The following YAF2 variants were observed in gnomAD, a reference collection of about 807,000 sequenced individuals.
The protein encoded by YAF2 is YY1 associated factor 2.
YAF2 carries 7 observed loss-of-function variants against 20.1 expected under a neutral mutation model. The ratio of observed to expected loss-of-function variants is 0.35; its 90% confidence interval spans 0.20 to 0.65. The LOEUF (loss-of-function observed/expected upper bound fraction) is 0.65, where lower values mean the gene tolerates loss of function less well. Among genes scored for constraint, YAF2 ranks in the 30% least tolerant of loss-of-function variants. YAF2 has a pLI of 0.69. For missense variants in YAF2, 151 were observed against 219.2 expected, an observed-to-expected ratio of 0.69 and a Z score of 1.96; for synonymous variants, 74 against 76.0, an observed-to-expected ratio of 0.97 and a Z score of 0.14.
intron 2 of YAF2, chr12:42,210,757 C>T (rs1014088958): frequency 1.5e-6 from 2 of 1,331,460 alleles, no homozygotes; most frequent in Non-Finnish European, 2.0e-6. Context: ...AGCATAAATT[C>T]ACTAGATAAC....
At chr12:42,228,436 GC>G (rs2067845007) in intron 2 of YAF2, among the ~76,000 whole-genome samples, 1 of 52,378 alleles carries the variant, frequency 1.9e-5, no homozygotes, top group Non-Finnish European at 3.3e-5. Flanking sequence ...GGGGGGGTCA[GC>G]CCCCCGCCTG....
intron 2 of YAF2, among the ~76,000 whole-genome samples, chr12:42,216,769 C>A (rs1049296622): frequency 3.3e-5 from 5 of 152,172 alleles, no homozygotes; most frequent in Non-Finnish European, 5.9e-5. Flanking sequence ...TCCCCAGGCA[C>A]CCCAAATTCA....
intron 2 of YAF2, among the ~76,000 whole-genome samples, chr12:42,185,515 A>G (rs902752805): frequency 6.6e-6 from 1 of 152,232 alleles, no homozygotes; most frequent in African/African-American, 2.4e-5. Context: ...ATCTTTCATG[A>G]AAGGAAGAGT....
intron 2 of YAF2, among the ~76,000 whole-genome samples, chr12:42,206,294 A>G (rs1248577733): frequency 3.1e-4 from 29 of 94,192 alleles, no homozygotes; most frequent in African/African-American, 1.4e-3. Flanking sequence ...ATATGCTCTT[A>G]GTTAAAAAAA....
chr12:42,216,957 C>T (rs2067374203), intron 2 of YAF2, among the ~76,000 whole-genome samples: 1 of 152,194 alleles, frequency 6.6e-6, no homozygotes, highest in Admixed American at 6.5e-5. Flanking sequence ...AATCAACCAT[C>T]AAGTTCCACA....
intron 2 of YAF2, among the ~76,000 whole-genome samples, chr12:42,225,243 TG>T: frequency 6.6e-6 from 1 of 152,364 alleles, no homozygotes; most frequent in East Asian, 1.9e-4. Context: ...TTAAGTTCTT[TG>T]TATATTCTGG....
chr12:42,166,613 A>AG (rs973349691), intron 2 of YAF2, among the ~76,000 whole-genome samples: 2 of 152,184 alleles, frequency 1.3e-5, no homozygotes, highest in African/African-American at 4.8e-5. Flanking sequence ...ACTGAGTTTG[A>AG]GAAAAATGAA....
intron 2 of YAF2, among the ~76,000 whole-genome samples, chr12:42,187,664 G>A (rs2137080901): frequency 6.6e-6 from 1 of 152,240 alleles, no homozygotes; most frequent in African/African-American, 2.4e-5. Flanking sequence ...ATTCTGAGGA[G>A]TAAAATATAT....
At chr12:42,229,495 A>G (rs568403559) in intron 2 of YAF2, among the ~76,000 whole-genome samples, 20 of 152,364 alleles carry the variant, frequency 1.3e-4, no homozygotes, top group African/African-American at 4.6e-4. Flanking sequence ...ACCAAAGTGA[A>G]TAAGACGGTC....
At chr12:42,167,386 G>A (rs546753366) in intron 2 of YAF2, among the ~76,000 whole-genome samples, 49 of 152,186 alleles carry the variant, frequency 3.2e-4, no homozygotes, top group African/African-American at 9.9e-4. Flanking sequence ...CTAAGATCCC[G>A]TTATATATGA....
At chr12:42,169,036 C>T (rs2065979532) in intron 2 of YAF2, among the ~76,000 whole-genome samples, 1 of 152,106 alleles carries the variant, frequency 6.6e-6, no homozygotes, top group African/African-American at 2.4e-5. Context: ...CCCTTGTTTA[C>T]TTGCTCTTCC....
intron 2 of YAF2, among the ~76,000 whole-genome samples, chr12:42,173,212 C>A (rs1012279137): frequency 4.6e-5 from 7 of 152,166 alleles, no homozygotes; most frequent in Non-Finnish European, 8.8e-5. Flanking sequence ...CTTTCTCAGC[C>A]TCTTGAGCAG....
At chr12:42,174,015 T>A (rs1647358785) in intron 2 of YAF2, among the ~76,000 whole-genome samples, 1 of 152,090 alleles carries the variant, frequency 6.6e-6, no homozygotes, top group South Asian at 2.1e-4. Flanking sequence ...TGACCTCCTT[T>A]GTTTCCTGCT....
chr12:42,235,805 T>G (rs2068133118), intron 2 of YAF2: 1 of 1,535,922 alleles, frequency 6.5e-7, no homozygotes, highest in Non-Finnish European at 8.7e-7. Context: ...CTCAAGCCTC[T>G]TTTAAACTAG....
At position 42,205,672 on chromosome 12, in the gene YAF2, C is replaced by A. The variant is rs114848296; in HGVS notation, c.152+31927G>T. Among the ~76,000 whole-genome samples, 293 of 152,338 alleles carry A rather than the reference C, an allele frequency of 1.9e-3. 1 individual carries two copies. Among genetic ancestry groups the A allele is most frequent in the African/African-American group, 6.6e-3 (275 of 41,584 alleles). On this transcript the variant is annotated intron_variant, in intron 2 of 3. Coordinates refer to ENST00000534854, the MANE Select transcript of YAF2 (RefSeq NM_005748.6). ...ACAGACGTGAGCCACCGTGCCCGGT[C>A]ATTGCTGATTATTTTCTAGTTCACC...
chr12:42,165,599 G>A (rs996899156), intron 2 of YAF2, among the ~76,000 whole-genome samples: 3 of 151,658 alleles, frequency 2.0e-5, no homozygotes, highest in Non-Finnish European at 4.4e-5. Context: ...AAGCAGCTGG[G>A]ACTACAAGTG....
At chr12:42,184,422 G>A (rs897888800) in intron 2 of YAF2, among the ~76,000 whole-genome samples, 1 of 152,134 alleles carries the variant, frequency 6.6e-6, no homozygotes, top group African/African-American at 2.4e-5. Flanking sequence ...CGATTCTCCT[G>A]CCTCAGTCTC....
chr12:42,228,157 G>A (rs868626777), intron 2 of YAF2, among the ~76,000 whole-genome samples: 21 of 69,982 alleles, frequency 3.0e-4, no homozygotes, highest in East Asian at 5.5e-4. Context: ...GGGGGGGGTC[G>A]GCCCCCCGCC....
intron 3 of YAF2, chr12:42,161,075 T>G (rs2065789438): frequency 4.4e-6 from 2 of 453,504 alleles, no homozygotes; most frequent in African/African-American, 4.0e-5. Context: ...TGTGCTTCTA[T>G]AGCTGTATCA....
Sources: gnomAD v4.1 joint callset for allele counts (sites outside exome capture counted in the v4.1 genomes callset) on GRCh38, gnomAD v4.1.1 for gene constraint, MANE v1.5 for transcripts, NCBI Gene and HGNC (gene_info 2026-07-23, HGNC 2026-07-21) for gene names.